Variants in ANKRD30A observed in about 807,000 individuals in gnomAD.
ANKRD30A encodes the protein ankyrin repeat domain-containing protein 30A.
ANKRD30A carries 170 observed loss-of-function variants against 166.3 expected under a neutral mutation model. The ratio of observed to expected loss-of-function variants is 1.02; its 90% CI spans 0.90 to 1.16. ANKRD30A has a LOEUF of 1.16. ANKRD30A is among the 50% of genes most tolerant of loss of function. The pLI, the probability that ANKRD30A is intolerant of heterozygous loss-of-function variation, is 0.00. For missense variants in ANKRD30A, 1,630 were observed against 1,518.0 expected, an observed-to-expected ratio of 1.07 and a Z score of -1.23; for synonymous variants, 564 against 508.9, an observed-to-expected ratio of 1.11 and a Z score of -1.46.
In ANKRD30A at chr10:37,211,496, G is replaced by A. The variant is rs1842314651; in HGVS notation, c.2870-4685G>A. ...TTTTATGGCTGCATAGTATTCCATG[G>A]TGTATATGTGCCACATTTTCTTAAT... On this transcript the variant is annotated intron_variant, in intron 31 of 35. Transcript: ENST00000361713. Among the ~76,000 whole-genome samples, 6 of 152,194 alleles carry A rather than the reference G, an allele frequency of 3.9e-5. No individual in the cohort carries two copies. The South Asian group carries it at 1.2e-3, about 32-fold the overall frequency.
Position 37,139,799 on chromosome 10 carries a change from T to C in ANKRD30A, c.821-1919T>C, listed in dbSNP as rs147424874. 7.2e-3 allele frequency among the ~76,000 whole-genome samples: 1,090 copies of C among 152,344 alleles called. 13 individuals are homozygous for C. The highest frequency in any genetic ancestry group is 0.024 in the African/African-American group (996 of 41,590). On this transcript the variant is annotated intron_variant, in intron 6 of 35. Transcript: ENST00000361713. ...GTTGATATTGAACCTCTGGTCTCTA[T>C]TTAATTTTTACAATAAATGGTTTGC...
At chr10:37,244,080 C>G in the ANKRD30A span, among the ~76,000 whole-genome samples, 1 of 152,142 alleles carries the variant, frequency 6.6e-6, no homozygotes, top group Non-Finnish European at 1.5e-5. Context: ...TCCATTCGTT[C>G]ACTTGATCCT....
chr10:37,228,772 G>T (rs145168846), intron 34 of ANKRD30A, among the ~76,000 whole-genome samples: 1,951 of 151,970 alleles, frequency 0.013, 40 homozygotes, highest in African/African-American at 0.046. Flanking sequence ...TGTTTGTCAT[G>T]AATAAATTAA....
chr10:37,152,934 G>T (rs986810360), intron 12 of ANKRD30A, among the ~76,000 whole-genome samples: 12 of 152,060 alleles, frequency 7.9e-5, no homozygotes, highest in African/African-American at 2.9e-4. Context: ...ACACTTGTTT[G>T]CTTTCATTTA....
chr10:37,129,391 ACAC>A (rs1465868382), intron 1 of ANKRD30A, among the ~76,000 whole-genome samples: 1 of 152,194 alleles, frequency 6.6e-6, no homozygotes, highest in Admixed American at 6.5e-5. Flanking sequence ...CCTTTAAAAC[ACAC>A]CACAATGTAG....
intron 11 of ANKRD30A, among the ~76,000 whole-genome samples, chr10:37,150,570 A>G (rs987237878): frequency 1.1e-4 from 16 of 152,118 alleles, no homozygotes; most frequent in Admixed American, 3.3e-4. Flanking sequence ...TAATATGTAC[A>G]ATTTTTTTCA....
At chr10:37,142,577 T>G (rs1837222563) in intron 7 of ANKRD30A, among the ~76,000 whole-genome samples, 1 of 121,564 alleles carries the variant, frequency 8.2e-6, no homozygotes, top group Non-Finnish European at 1.8e-5. Context: ...ACACTTTTTT[T>G]TTTTTTTTTT....
chr10:37,246,917 T>TA, the ANKRD30A span, among the ~76,000 whole-genome samples: 1 of 152,170 alleles, frequency 6.6e-6, no homozygotes, highest in Non-Finnish European at 1.5e-5. Context: ...AGACATTGTT[T>TA]AAGTTAATAA....
Position 37,197,463 on chromosome 10 carries a change from A to C in ANKRD30A, c.2699A>C (p.Glu900Ala). The C allele has an allele frequency of 6.2e-7, 1 of 1,612,472 alleles. No individual in the cohort carries two copies. The highest frequency in any genetic ancestry group is 8.5e-7 in the Non-Finnish European group (1 of 1,179,690). ...AATAAAGCCTTGGAATTGAAGAATG[A>C]ACAAACATTGAGAGCAGGTACATTT... ...VPNKALELKN[E>A]QTLRADQMFP... is the part of the protein sequence containing the mutation. The change falls in exon 29 of 36, where the codon GAA becomes GCA. Residue 900 changes from glutamate to alanine, a missense_variant. Coordinates refer to ENST00000361713, the MANE Select transcript of ANKRD30A (RefSeq NM_052997.3).
At chr10:37,195,468 A>G (rs1329551396) in intron 27 of ANKRD30A, among the ~76,000 whole-genome samples, 3 of 152,108 alleles carry the variant, frequency 2.0e-5, no homozygotes, top group African/African-American at 7.2e-5. Context: ...ATGCTAGTTC[A>G]GAAGATATTG....
intron 31 of ANKRD30A, among the ~76,000 whole-genome samples, chr10:37,213,998 T>C (rs1054112272): frequency 4.6e-5 from 7 of 151,612 alleles, no homozygotes; most frequent in African/African-American, 1.5e-4. Flanking sequence ...ACCACTTGAG[T>C]AAGGGGTTTA....
chr10:37,217,572 G>T (rs1463226707), intron 32 of ANKRD30A, 123 bp from the exon 33 acceptor site: 5 of 751,880 alleles, frequency 6.6e-6, no homozygotes, highest in Non-Finnish European at 9.6e-6. Context: ...GAACTAGGAA[G>T]AAAAAAATTC....
intron 11 of ANKRD30A, among the ~76,000 whole-genome samples, chr10:37,151,672 A>C (rs552987957): frequency 1.3e-5 from 2 of 152,260 alleles, no homozygotes; most frequent in African/African-American, 4.8e-5. Flanking sequence ...TTGCTGAGTC[A>C]ATCAAACTAA....
chr10:37,143,110 C>T (rs111305572), intron 7 of ANKRD30A, among the ~76,000 whole-genome samples: 3,222 of 152,198 alleles, frequency 0.021, 46 homozygotes, highest in Non-Finnish European at 0.033. Flanking sequence ...CTGTGATTAG[C>T]TTAGAATAAT....
intron 15 of ANKRD30A, among the ~76,000 whole-genome samples, chr10:37,161,443 T>G (rs1400586950): frequency 6.6e-6 from 1 of 152,178 alleles, no homozygotes; most frequent in Non-Finnish European, 1.5e-5. Context: ...AGAGGTTTTT[T>G]TTTATTTTCT....
rs143806624 is a variant in ANKRD30A at position 37,165,015 on chromosome 10, A to G, written c.2003-79A>G. 5 of 1,413,608 alleles carry G rather than the reference A, an allele frequency of 3.5e-6. No individual in the cohort carries two copies. In the African/African-American group the frequency reaches 7.1e-5, roughly 20 times the overall value. 87.6% of individuals were successfully genotyped at this position (1,413,608 alleles called of 1,614,324 possible). A position where few individuals can be genotyped will look rare whatever the true frequency, so the allele number is the denominator to read the frequency against. On this transcript the variant is annotated intron_variant, in intron 17 of 35. Transcript: ENST00000361713. Reference sequence around the variant, plus strand: ...AGGAAAATCCACAGATTCGTGAATGAAAGTAGATTTGTATATGTTTTTAAA... The same window carrying G: ...AGGAAAATCCACAGATTCGTGAATGGAAGTAGATTTGTATATGTTTTTAAA...
chr10:37,153,468 G>A, intron 12 of ANKRD30A, 104 bp from the exon 13 acceptor site: 2 of 1,545,538 alleles, frequency 1.3e-6, no homozygotes, highest in Non-Finnish European at 1.7e-6. Flanking sequence ...TGTTTGCAAA[G>A]GAGGAAATTG....
rs71007622 is a variant in ANKRD30A at position 37,127,046 on chromosome 10, CAAAAAAAAAAAAAAAAAAA to C, written c.221+1059_221+1077del. Among the ~76,000 whole-genome samples, 54 of 16,504 alleles carry C rather than the reference CAAAAAAAAAAAAAAAAAAA, an allele frequency of 3.3e-3. 1 individual carries two copies. Among genetic ancestry groups the C allele is most frequent in the African/African-American group, 0.016 (48 of 2,922 alleles). 10.8% of individuals were successfully genotyped at this position (16,504 alleles called of 152,430 possible). A position where few individuals can be genotyped will look rare whatever the true frequency, so the allele number is the denominator to read the frequency against. On this transcript the variant is annotated intron_variant, in intron 1 of 35. Transcript: ENST00000361713. Reference sequence around the variant, plus strand: ...TAGGTGATAGAGTGAAACTCTGTCTCAAAAAAAAAAAAAAAAAAAAAAAAAAAAAAAAAAAAAAATCACA... The same window carrying C: ...TAGGTGATAGAGTGAAACTCTGTCTCAAAAAAAAAAAAAAAAAAAATCACA...
intron 6 of ANKRD30A, among the ~76,000 whole-genome samples, chr10:37,138,712 A>G (rs1446538931): frequency 7.2e-5 from 11 of 152,218 alleles, no homozygotes; most frequent in African/African-American, 2.7e-4. Context: ...AGCCTCCAAG[A>G]CATATGGGGC....
Sources: allele counts gnomAD v4.1 joint callset (sites outside exome capture counted in the v4.1 genomes callset), GRCh38; gene constraint gnomAD v4.1.1; transcripts MANE v1.5; gene names NCBI Gene and HGNC (gene_info 2026-07-23, HGNC 2026-07-21).